The following MCEMP1 variants were observed in gnomAD, a reference collection of about 807,000 sequenced individuals.
MCEMP1 encodes mast cell expressed membrane protein 1, also known as mast cell-expressed membrane protein 1.
A neutral mutation model predicts 27.9 loss-of-function variants in MCEMP1; 17 were observed. The ratio of observed to expected loss-of-function variants is 0.61; its 90% CI spans 0.42 to 0.91. MCEMP1 has a LOEUF of 0.91. Ranked by LOEUF, MCEMP1 falls within the 40% of genes least tolerant of loss-of-function variation. MCEMP1 has a pLI of 0.00. For missense variants in MCEMP1, 200 were observed against 204.8 expected (o/e 0.98, Z 0.14); for synonymous variants, 88 against 76.9 (o/e 1.14, Z -0.76).
rs12979202 is a variant in MCEMP1 at position 7,678,359 on chromosome 19, T to C, written c.293T>C (p.Met98Thr). The C allele has an allele frequency of 6.2e-7, 1 of 1,614,078 alleles. No individual in the cohort carries two copies. Among genetic ancestry groups the C allele is most frequent in the African/African-American group, 1.3e-5 (1 of 75,006 alleles). The change falls in exon 4 of 7, where the codon ATG becomes ACG. Residue 98 changes from methionine (M) to threonine (T), a missense_variant. Physicochemically the swap from Met to Thr is moderately conservative, Grantham distance 81 (BLOSUM62 -1). Coordinates refer to ENST00000333598, the MANE Select transcript of MCEMP1 (RefSeq NM_174918.3). The surrounding 1 kb of genome is among the most constrained non-coding windows in gnomAD (Gnocchi z 4.8). The stretch of plus-strand genomic sequence containing the variant: ...TGCCCCTCCTGAACAGATGCTGAGA[T>C]GTCCAAGGAGCTGCTGGGCTTTAAA... ...SAFIMVKNAEMSKELLGFKRE... is the reference protein window; with the variant it reads ...SAFIMVKNAETSKELLGFKRE...
Position 7,677,795 on chromosome 19 carries a change from GC to G in MCEMP1, c.145+74del. 3 of 1,400,974 alleles carry G rather than the reference GC, an allele frequency of 2.1e-6. No individual in the cohort carries two copies. The highest frequency in any genetic ancestry group is 2.9e-6 in the Non-Finnish European group (3 of 1,029,888). 86.8% of individuals were successfully genotyped at this position (1,400,974 alleles called of 1,614,324 possible). On this transcript the variant is annotated intron_variant, in intron 2 of 6. Transcript: ENST00000333598. This position sits in a 1 kb window ranked among gnomAD's most constrained non-coding sequence, Gnocchi z 4.6. Reference sequence around the variant, plus strand: ...GGGCAGGTGGGCGGGCAACTGCAGGGCCCCCGGGGCTGCGTGGAAGGGAGGA... The same window carrying G: ...GGGCAGGTGGGCGGGCAACTGCAGGGCCCCGGGGCTGCGTGGAAGGGAGGA...
At position 7,677,781 on chromosome 19, in the gene MCEMP1, C is replaced by G. The variant is rs1048921239; in HGVS notation, c.145+55C>G. 7 of 1,476,916 alleles carry G rather than the reference C, an allele frequency of 4.7e-6. No individual in the cohort carries two copies. The highest frequency in any genetic ancestry group is 1.8e-6 in the Non-Finnish European group (2 of 1,093,556). The allele number at this position is 1,476,916 out of a possible 1,614,324, so 91.5% of individuals were successfully genotyped here. On this transcript the variant is annotated intron_variant, in intron 2 of 6. Transcript: ENST00000333598. The surrounding 1 kb of genome is among the most constrained non-coding windows in gnomAD (Gnocchi z 4.6). The stretch of plus-strand genomic sequence containing the variant: ...ATCACCTTGGGAAGGGGCAGGTGGG[C>G]GGGCAACTGCAGGGCCCCCGGGGCT...
In MCEMP1 at chr19:7,677,778, G is replaced by T. The variant is rs560311554; in HGVS notation, c.145+52G>T. The T allele has an allele frequency of 6.7e-7, 1 of 1,496,006 alleles. No individual in the cohort carries two copies. Among genetic ancestry groups the T allele is most frequent in the African/African-American group, 1.4e-5 (1 of 71,396 alleles). 92.7% of individuals were successfully genotyped at this position (1,496,006 alleles called of 1,614,324 possible). ...CCCATCACCTTGGGAAGGGGCAGGTGGGCGGGCAACTGCAGGGCCCCCGGG... is the reference window on the plus strand; with the variant it reads ...CCCATCACCTTGGGAAGGGGCAGGTTGGCGGGCAACTGCAGGGCCCCCGGG... On this transcript the variant is annotated intron_variant, in intron 2 of 6. Transcript: ENST00000333598. The surrounding 1 kb of genome is among the most constrained non-coding windows in gnomAD (Gnocchi z 4.6).
At position 7,678,786 on chromosome 19, in the gene MCEMP1, C is replaced by T; in HGVS notation, c.449-138C>T. On this transcript the variant is annotated intron_variant, in intron 5 of 6. Transcript: ENST00000333598. This position sits in a 1 kb window ranked among gnomAD's most constrained non-coding sequence, Gnocchi z 4.8. Reference sequence around the variant, plus strand: ...GTGGGTATTGAAAGGCTCCTGGGAACCCCAAATCCATGGGCTCTGCTGTAC... The same window carrying T: ...GTGGGTATTGAAAGGCTCCTGGGAATCCCAAATCCATGGGCTCTGCTGTAC... The T allele has an allele frequency of 1.8e-6, 2 of 1,114,866 alleles. No individual in the cohort carries two copies. The highest frequency in any genetic ancestry group is 3.1e-5 in the South Asian group (2 of 65,454). The allele number at this position is 1,114,866 out of a possible 1,614,324, so 69.1% of individuals were successfully genotyped here. A position where few individuals can be genotyped will look rare whatever the true frequency, so the allele number is the denominator to read the frequency against.
rs1469490866 is a variant in MCEMP1, at chr19:7,677,713, A to G, written c.132A>G (p.Arg44=). 1.9e-6 allele frequency: 3 copies of G among 1,607,624 alleles called. No individual in the cohort carries two copies. Among genetic ancestry groups the G allele is most frequent in the African/African-American group, 2.7e-5 (2 of 74,744 alleles). ...ACCATGCAAAGGGTGGTCATTCACG[A>G]CCCACGAGCCAAGGTGAGCAGACAC... The part of the protein sequence containing the change: ...NQDHAKGGHS[R]PTSQVPAQCR... The change falls in exon 2 of 7, where the codon CGA becomes CGG. Residue 44 remains arginine (R), a synonymous_variant. Transcript: ENST00000333598. The surrounding 1 kb of genome is among the most constrained non-coding windows in gnomAD (Gnocchi z 4.6).
Position 7,677,488 on chromosome 19 carries a change from G to T in MCEMP1, c.56-149G>T. The T allele has an allele frequency of 1.3e-6, 1 of 765,226 alleles. No individual in the cohort carries two copies. Among genetic ancestry groups the T allele is most frequent in the Non-Finnish European group, 2.2e-6 (1 of 444,840 alleles). 47.4% of individuals were successfully genotyped at this position (765,226 alleles called of 1,614,324 possible). On this transcript the variant is annotated intron_variant, in intron 1 of 6. Coordinates refer to ENST00000333598, the MANE Select transcript of MCEMP1 (RefSeq NM_174918.3). The surrounding 1 kb of genome is among the most constrained non-coding windows in gnomAD (Gnocchi z 4.6). ...TGATCACTCAAACTCTCACACACCC[G>T]CTCCACTTAACCAAAAAGCAGATTT...
Position 7,679,156 on chromosome 19 carries a change from T to C in MCEMP1, c.*42T>C, listed in dbSNP as rs1001967496. The C allele has an allele frequency of 3.9e-6, 6 of 1,557,710 alleles. No homozygotes were observed. Among genetic ancestry groups the C allele is most frequent in the Non-Finnish European group, 5.2e-6 (6 of 1,149,536 alleles). ...GCAGCCAAAGCCACAACTTGGAAGA[T>C]GGGGCTGCACCTGCCAACGAAGACG... On this transcript the variant is annotated 3_prime_UTR_variant, in exon 7 of 7. Transcript: ENST00000333598. This position sits in a 1 kb window ranked among gnomAD's most constrained non-coding sequence, Gnocchi z 4.9.
Position 7,678,632 on chromosome 19 carries a change from G to A in MCEMP1, c.448+28G>A, listed in dbSNP as rs1319249844. 4.4e-6 allele frequency: 7 copies of A among 1,588,382 alleles called. No individual in the cohort carries two copies. The highest frequency in any genetic ancestry group is 1.7e-5 in the Admixed American group (1 of 59,590). Reference sequence around the variant, plus strand: ...GCCTGTGTAGTCTCGCCTTCTATGGGGGTTATTTGTCACCAATGCCCGGAG... The same window carrying A: ...GCCTGTGTAGTCTCGCCTTCTATGGAGGTTATTTGTCACCAATGCCCGGAG... On this transcript the variant is annotated intron_variant, in intron 5 of 6. Transcript: ENST00000333598. The surrounding 1 kb of genome is among the most constrained non-coding windows in gnomAD (Gnocchi z 4.8).
In MCEMP1 at chr19:7,678,177, G is replaced by A. The variant is rs921611642; in HGVS notation, c.219G>A (p.Leu73=). The part of the protein sequence containing the change: ...PCWLYRAILS[L]YILLALAFVL... ...GGTTGTACAGAGCCATCCTGAGCCT[G>A]TACATCCTCCTGGCCCTGGCCTTTG... The change falls in exon 3 of 7, where the codon CTG becomes CTA. Residue 73 remains leucine (L), a synonymous_variant. Coordinates refer to ENST00000333598, the MANE Select transcript of MCEMP1 (RefSeq NM_174918.3). This position sits in a 1 kb window ranked among gnomAD's most constrained non-coding sequence, Gnocchi z 4.8. The A allele has an allele frequency of 1.4e-5, 22 of 1,613,998 alleles. No homozygotes were observed. In the Admixed American group the frequency reaches 2.2e-4, roughly 16 times the overall value.
chr19:7,678,794 C>A lies in MCEMP1; in HGVS notation c.449-130C>A. ...TGAAAGGCTCCTGGGAACCCCAAAT[C>A]CATGGGCTCTGCTGTACCCCAGGGT... On this transcript the variant is annotated intron_variant, in intron 5 of 6. Coordinates refer to ENST00000333598, the MANE Select transcript of MCEMP1 (RefSeq NM_174918.3). The surrounding 1 kb of genome is among the most constrained non-coding windows in gnomAD (Gnocchi z 4.8). The A allele has an allele frequency of 8.8e-7, 1 of 1,140,904 alleles. No homozygotes were observed. Among genetic ancestry groups the A allele is most frequent in the Non-Finnish European group, 1.3e-6 (1 of 799,790 alleles). 70.7% of individuals were successfully genotyped at this position (1,140,904 alleles called of 1,614,324 possible).
Position 7,678,879 on chromosome 19 carries a change from G to A in MCEMP1, c.449-45G>A, listed in dbSNP as rs374241866. The stretch of plus-strand genomic sequence containing the variant: ...TGGGGGCTTTGTTTGAGGCTCCACC[G>A]CAGCTTGACTTATCTGTTCCCACCC... On this transcript the variant is annotated intron_variant, in intron 5 of 6. Coordinates refer to ENST00000333598, the MANE Select transcript of MCEMP1 (RefSeq NM_174918.3). This position sits in a 1 kb window ranked among gnomAD's most constrained non-coding sequence, Gnocchi z 4.8. The A allele has an allele frequency of 6.8e-5, 102 of 1,506,934 alleles. 1 individual carries two copies. Among genetic ancestry groups the A allele is most frequent in the Middle Eastern group, 2.3e-4 (1 of 4,310 alleles). The allele number at this position is 1,506,934 out of a possible 1,614,324, so 93.3% of individuals were successfully genotyped here.
chr19:7,677,719 G>A lies in MCEMP1; in HGVS notation c.138G>A (p.Thr46=), dbSNP rs142098368. ...CAAAGGGTGGTCATTCACGACCCAC[G>A]AGCCAAGGTGAGCAGACACCCACCT... The part of the protein sequence containing the change: ...DHAKGGHSRP[T]SQVPAQCRPP... The change falls in exon 2 of 7, where the codon ACG becomes ACA. Residue 46 remains threonine, a synonymous_variant. Coordinates refer to ENST00000333598, the MANE Select transcript of MCEMP1 (RefSeq NM_174918.3). This position sits in a 1 kb window ranked among gnomAD's most constrained non-coding sequence, Gnocchi z 4.6. The A allele has an allele frequency of 2.5e-6, 4 of 1,603,390 alleles. No individual in the cohort carries two copies. In the African/African-American group the frequency reaches 4.0e-5, roughly 16 times the overall value.
In MCEMP1 at chr19:7,677,762, T is replaced by C. The variant is rs1423166378; in HGVS notation, c.145+36T>C. 9.8e-6 allele frequency: 15 copies of C among 1,529,542 alleles called. No individual in the cohort carries two copies. The highest frequency in any genetic ancestry group is 1.4e-5 in the African/African-American group (1 of 72,430). The allele number at this position is 1,529,542 out of a possible 1,614,324, so 94.7% of individuals were successfully genotyped here. A position where few individuals can be genotyped will look rare whatever the true frequency, so the allele number is the denominator to read the frequency against. On this transcript the variant is annotated intron_variant, in intron 2 of 6. Transcript: ENST00000333598. The surrounding 1 kb of genome is among the most constrained non-coding windows in gnomAD (Gnocchi z 4.6). ...ACCCACCTGCTCACATCCCATCACC[T>C]TGGGAAGGGGCAGGTGGGCGGGCAA... is the stretch of plus-strand genomic sequence containing the variant.
In MCEMP1 at chr19:7,678,100, C is replaced by T; in HGVS notation, c.146-4C>T. ...AAGGTCACTTTGCTGCCTCTTTGCTCCAGTCCCAGCCCAGTGCAGGCCGCC... is the reference window on the plus strand; with the variant it reads ...AAGGTCACTTTGCTGCCTCTTTGCTTCAGTCCCAGCCCAGTGCAGGCCGCC... On this transcript the variant is annotated splice_region_variant and splice_polypyrimidine_tract_variant and intron_variant, in intron 2 of 6. Coordinates refer to ENST00000333598, the MANE Select transcript of MCEMP1 (RefSeq NM_174918.3). The surrounding 1 kb of genome is among the most constrained non-coding windows in gnomAD (Gnocchi z 4.8). The T allele has an allele frequency of 6.3e-7, 1 of 1,589,662 alleles. No homozygotes were observed. The highest frequency in any genetic ancestry group is 1.8e-5 in the Admixed American group (1 of 55,594).
In MCEMP1 at chr19:7,677,582, C is replaced by T; in HGVS notation, c.56-55C>T. 6.7e-7 allele frequency: 1 copy of T among 1,500,142 alleles called. No individual in the cohort carries two copies. Among genetic ancestry groups the T allele is most frequent in the Non-Finnish European group, 9.3e-7 (1 of 1,076,522 alleles). 92.9% of individuals were successfully genotyped at this position (1,500,142 alleles called of 1,614,324 possible). A position where few individuals can be genotyped will look rare whatever the true frequency, so the allele number is the denominator to read the frequency against. On this transcript the variant is annotated intron_variant, in intron 1 of 6. Coordinates refer to ENST00000333598, the MANE Select transcript of MCEMP1 (RefSeq NM_174918.3). The surrounding 1 kb of genome is among the most constrained non-coding windows in gnomAD (Gnocchi z 4.6). The stretch of plus-strand genomic sequence containing the variant: ...TGCAAAGGGTTGGGTAAAACAAGAT[C>T]CCGGATCCACTCTCCACACCACAGA...
At position 7,679,812 on chromosome 19, in the gene MCEMP1, A is replaced by G. The variant is rs1345021509; in HGVS notation, c.*698A>G. ...CATTTTGTGACTTATGAAGATAAAT[A>G]AAGTCAAGGGAAAACAGCGTCGCTA... On this transcript the variant is annotated 3_prime_UTR_variant, in exon 7 of 7. Transcript: ENST00000333598. This position sits in a 1 kb window ranked among gnomAD's most constrained non-coding sequence, Gnocchi z 4.9. The G allele has an allele frequency of 6.6e-6, 1 of 152,196 alleles. No homozygotes were observed. The allele number at this position is 152,196 out of a possible 1,614,324, so 9.4% of individuals were successfully genotyped here.
In MCEMP1 at chr19:7,679,382, A is replaced by G; in HGVS notation, c.*268A>G. The G allele has an allele frequency of 4.1e-6, 2 of 488,252 alleles. No individual in the cohort carries two copies. The highest frequency in any genetic ancestry group is 6.7e-5 in the East Asian group (2 of 29,692). The allele number at this position is 488,252 out of a possible 1,614,324, so 30.2% of individuals were successfully genotyped here. On this transcript the variant is annotated 3_prime_UTR_variant, in exon 7 of 7. Transcript: ENST00000333598. The surrounding 1 kb of genome is among the most constrained non-coding windows in gnomAD (Gnocchi z 4.9). Reference sequence around the variant, plus strand: ...TGTGTGCATTTTGCAAAGGGTGGACATTTCAGTGTATCTCCCAGAAAGGTG... The same window carrying G: ...TGTGTGCATTTTGCAAAGGGTGGACGTTTCAGTGTATCTCCCAGAAAGGTG...
Position 7,679,255 on chromosome 19 carries a change from G to A in MCEMP1, c.*141G>A. 1 of 1,033,584 alleles carries A rather than the reference G, an allele frequency of 9.7e-7. No homozygotes were observed. The highest frequency in any genetic ancestry group is 1.4e-6 in the Non-Finnish European group (1 of 718,534). 64.0% of individuals were successfully genotyped at this position (1,033,584 alleles called of 1,614,324 possible). A position where few individuals can be genotyped will look rare whatever the true frequency, so the allele number is the denominator to read the frequency against. ...ACGTATAGAAAAACCTCGAGTCATGGTGAATGAGTGTCTCGGAGTTGCTCG... is the reference window on the plus strand; with the variant it reads ...ACGTATAGAAAAACCTCGAGTCATGATGAATGAGTGTCTCGGAGTTGCTCG... On this transcript the variant is annotated 3_prime_UTR_variant, in exon 7 of 7. Transcript: ENST00000333598. This position sits in a 1 kb window ranked among gnomAD's most constrained non-coding sequence, Gnocchi z 4.9.
rs767596828 is a variant in MCEMP1, at chr19:7,678,542, C to T, written c.386C>T (p.Ser129Phe). Residue 129 changes from serine (S) to phenylalanine (F), a missense_variant, in exon 5 of 7, where the codon TCC becomes TTC. Transcript: ENST00000333598. This position sits in a 1 kb window ranked among gnomAD's most constrained non-coding sequence, Gnocchi z 4.8. ...GAGAGACAGAAGAGAGGCTGGGATT[C>T]CGTTCAGCAGAGCATCACCATGGTC... ...CEERQKRGWDSVQQSITMVRS... is the reference protein window; with the variant it reads ...CEERQKRGWDFVQQSITMVRS... The T allele has an allele frequency of 1.2e-6, 2 of 1,614,094 alleles. No homozygotes were observed. The highest frequency in any genetic ancestry group is 1.7e-6 in the Non-Finnish European group (2 of 1,180,018).
Sources: allele counts gnomAD v4.1 joint callset, GRCh38; gene constraint gnomAD v4.1.1; non-coding constraint Gnocchi (gnomAD v3.1); transcripts MANE v1.5; gene names NCBI Gene and HGNC (gene_info 2026-07-23, HGNC 2026-07-21).